PLD3: variants seen among roughly 807,000 people sequenced by gnomAD.
The protein encoded by PLD3 is 5'-3' exonuclease PLD3.
In PLD3, 31 loss-of-function variants were observed where a neutral mutation model predicts 58.4. That is an observed-to-expected ratio of 0.53 (90% CI 0.40 to 0.72). The LOEUF (loss-of-function observed/expected upper bound fraction) is 0.72, where lower values mean the gene tolerates loss of function less well. Ranked by LOEUF, PLD3 falls within the 30% of genes least tolerant of loss-of-function variation. PLD3 has a pLI of 0.00. For missense variants in PLD3, 595 were observed against 659.8 expected (o/e 0.90, Z 1.08); for synonymous variants, 264 against 273.4 (o/e 0.97, Z 0.34).
intron 6 of PLD3, among the ~76,000 whole-genome samples, chr19:40,369,554 G>A (rs893285707): frequency 1.3e-5 from 2 of 152,076 alleles, no homozygotes; most frequent in African/African-American, 4.8e-5. Flanking sequence ...GCATCATCGT[G>A]CCTCACCCGA....
chr19:40,353,582 CT>C (rs112863485), intron 1 of PLD3, among the ~76,000 whole-genome samples: 12 of 149,610 alleles, frequency 8.0e-5, no homozygotes, highest in Admixed American at 2.0e-4. Context: ...CTTTTCTTTT[CT>C]TTTTTTTTTA....
chr19:40,358,478 C>T (rs1205692485), intron 1 of PLD3: 1 of 152,266 alleles, frequency 6.6e-6, no homozygotes, highest in African/African-American at 2.4e-5. Flanking sequence ...TCTCGAACTC[C>T]TGACCTCAGG....
At position 40,367,796 on chromosome 19, in the gene PLD3, G is replaced by A. The variant is rs773560279; in HGVS notation, c.346G>A (p.Ala116Thr). The change falls in exon 6 of 13, where the codon GCG becomes ACG. Residue 116 changes from alanine (A) to threonine (T), a missense_variant. Physicochemically the swap from Ala to Thr is moderately conservative, Grantham distance 58. Coordinates refer to ENST00000409735, the MANE Select transcript of PLD3 (RefSeq NM_012268.4). ...SQAWLGLLAGAHSSLDIASFY... is the reference protein window; with the variant it reads ...SQAWLGLLAGTHSSLDIASFY... ...GGCCTGGCTGGGCCTGCTCGCCGGT[G>A]CGCACAGCAGCCTGGACATCGCCTC... 26 of 1,610,474 alleles carry A rather than the reference G, an allele frequency of 1.6e-5. No homozygotes were observed. In the South Asian group the frequency reaches 2.0e-4, roughly 12 times the overall value.
chr19:40,376,737 C>T lies in PLD3; in HGVS notation c.1148C>T (p.Ala383Val). Residue 383 changes from alanine to valine, a missense_variant, in exon 11 of 13, where the codon GCC becomes GTC. Transcript: ENST00000409735. ...CGGGCCTTCCTGCTCTCTCTGGCTG[C>T]CCTGCGTGACAACCATACCCACTCT... is the stretch of plus-strand genomic sequence containing the variant. ...SMRAFLLSLA[A>V]LRDNHTHSDI... 6.2e-7 allele frequency: 1 copy of T among 1,601,212 alleles called. No homozygotes were observed. Among genetic ancestry groups the T allele is most frequent in the Non-Finnish European group, 8.5e-7 (1 of 1,179,926 alleles).
At chr19:40,363,942 CCT>C in intron 1 of PLD3, among the ~76,000 whole-genome samples, 1 of 152,022 alleles carries the variant, frequency 6.6e-6, no homozygotes, top group East Asian at 1.9e-4. Flanking sequence ...AATGCGCGCC[CCT>C]GATTTTTTAA....
chr19:40,357,332 C>G (rs903752866), intron 1 of PLD3: 3 of 152,226 alleles, frequency 2.0e-5, no homozygotes, highest in African/African-American at 7.2e-5. Flanking sequence ...CTCAAGCGAT[C>G]CTCCCACTTC....
At chr19:40,372,323 C>T (rs559773982) in intron 9 of PLD3, among the ~76,000 whole-genome samples, 16 of 149,376 alleles carry the variant, frequency 1.1e-4, no homozygotes, top group Non-Finnish European at 2.1e-4. Flanking sequence ...TCCATCTTTA[C>T]AAACAAACAA....
At chr19:40,360,981 C>T (rs889641942) in intron 1 of PLD3, among the ~76,000 whole-genome samples, 2 of 152,150 alleles carry the variant, frequency 1.3e-5, no homozygotes, top group Admixed American at 6.5e-5. Flanking sequence ...CCATTCAACC[C>T]ACTACAAAAT....
At chr19:40,355,637 T>C (rs927962882) in intron 1 of PLD3, among the ~76,000 whole-genome samples, 1 of 125,004 alleles carries the variant, frequency 8.0e-6, no homozygotes, top group Non-Finnish European at 1.7e-5. Flanking sequence ...TTTTTTTTTT[T>C]CCTGCAATCT....
intron 6 of PLD3, among the ~76,000 whole-genome samples, chr19:40,369,594 GC>G (rs1235920271): frequency 6.6e-6 from 1 of 152,028 alleles, no homozygotes; most frequent in Non-Finnish European, 1.5e-5. Flanking sequence ...CCTGAGCCTC[GC>G]CCCCACCATA....
chr19:40,374,116 G>A (rs1468618282), intron 9 of PLD3, among the ~76,000 whole-genome samples: 1 of 152,050 alleles, frequency 6.6e-6, no homozygotes, highest in Admixed American at 6.6e-5. Flanking sequence ...GATTCAGTAG[G>A]CCATGTGCAG....
chr19:40,366,068 G>A (rs2145684445), intron 2 of PLD3, 138 bp downstream of exon 2: 1 of 253,272 alleles, frequency 3.9e-6, no homozygotes, highest in Non-Finnish European at 7.7e-6. Context: ...TCCCAGGGCT[G>A]AGAAAAGCCA....
chr19:40,367,460 A>C, intron 5 of PLD3: 1 of 456,800 alleles, frequency 2.2e-6, no homozygotes, highest in African/African-American at 1.9e-5. Flanking sequence ...GCACACCTGT[A>C]GTCCCAGCTA....
chr19:40,364,689 G>A (rs547935125), intron 1 of PLD3, among the ~76,000 whole-genome samples: 8 of 151,938 alleles, frequency 5.3e-5, no homozygotes, highest in Admixed American at 3.3e-4. Flanking sequence ...CCAGCTACTC[G>A]GGAAGCTGAG....
chr19:40,367,289 A>G, intron 5 of PLD3: 2 of 256,130 alleles, frequency 7.8e-6, no homozygotes, highest in South Asian at 1.1e-4. Flanking sequence ...GAAAAACTCA[A>G]ATACAGTTTA....
At chr19:40,367,572 ACT>A (rs748636158) in intron 5 of PLD3, 122 bp from the exon 6 acceptor site, 2 of 777,722 alleles carry the variant, frequency 2.6e-6, no homozygotes, top group South Asian at 1.9e-5. Flanking sequence ...ACAGGGCAAG[ACT>A]CTGTCTCTAA....
rs375716725 is a variant in PLD3 at position 40,371,701 on chromosome 19, A to G, written c.707A>G (p.Asn236Ser). ...AAGGAGCTGGGCGTGGTCATGTACAACTGCAGCTGCCTGGCTCGAGACCTG... is the reference window on the plus strand; with the variant it reads ...AAGGAGCTGGGCGTGGTCATGTACAGCTGCAGCTGCCTGGCTCGAGACCTG... ...QVKELGVVMY[N>S]CSCLARDLTK... is the part of the protein sequence containing the mutation. The change falls in exon 9 of 13, where the codon AAC (asparagine) becomes AGC (serine). Residue 236 changes from asparagine to serine, a missense_variant. Transcript: ENST00000409735. The G allele has an allele frequency of 3.2e-5, 51 of 1,613,610 alleles. No homozygotes were observed. Among genetic ancestry groups the G allele is most frequent in the Non-Finnish European group, 3.8e-5 (45 of 1,179,924 alleles).
intron 8 of PLD3, chr19:40,371,456 A>C (rs2079065303): frequency 1.7e-6 from 1 of 576,576 alleles, no homozygotes; most frequent in Non-Finnish European, 3.1e-6. Flanking sequence ...GGGTAGAAGC[A>C]ACAGCAGATT....
intron 1 of PLD3, among the ~76,000 whole-genome samples, chr19:40,363,430 G>GTTTGTT (rs1304801808): frequency 3.3e-5 from 5 of 152,016 alleles, no homozygotes; most frequent in African/African-American, 1.2e-4. Flanking sequence ...TTGTTTGTTT[G>GTTTGTT]TTTGTTTGTT....
Sources: gnomAD v4.1 joint callset for allele counts (sites outside exome capture counted in the v4.1 genomes callset) on GRCh38, gnomAD v4.1.1 for gene constraint, MANE v1.5 for transcripts, NCBI Gene and HGNC (gene_info 2026-07-23, HGNC 2026-07-21) for gene names.